MIR2052HG: variants seen among roughly 807,000 people sequenced by gnomAD.
The protein encoded by MIR2052HG is MIR2052 host gene.
intron 4 of MIR2052HG, among the ~76,000 whole-genome samples, chr8:74,723,191 C>G (rs761595525): frequency 4.6e-5 from 7 of 152,226 alleles, no homozygotes; most frequent in Non-Finnish European, 1.0e-4. Context: ...ATCTCACATT[C>G]TTTCATCCCG....
intron 2 of MIR2052HG, among the ~76,000 whole-genome samples, chr8:74,620,354 C>T (rs1337630591): frequency 1.3e-5 from 2 of 152,212 alleles, no homozygotes; most frequent in Admixed American, 6.5e-5. Flanking sequence ...CTCCTCTAGG[C>T]AGTGCCCGCA....
At chr8:74,603,310 G>T (rs906225866) in intron 1 of MIR2052HG, 1 of 1,598,778 alleles carries the variant, frequency 6.3e-7, no homozygotes, top group African/African-American at 1.3e-5. Context: ...CATGCCACCC[G>T]TCTCCGAGGA....
chr8:74,670,867 C>CT (rs572315468), intron 2 of MIR2052HG, among the ~76,000 whole-genome samples: 6 of 151,528 alleles, frequency 4.0e-5, no homozygotes, highest in East Asian at 1.9e-4. Context: ...ATTTCTTTCT[C>CT]TTTTTTTTTC....
intron 2 of MIR2052HG, among the ~76,000 whole-genome samples, chr8:74,619,636 A>C (rs1219135197): frequency 6.6e-6 from 1 of 152,166 alleles, no homozygotes; most frequent in Non-Finnish European, 1.5e-5. Context: ...GACACTTATA[A>C]AACCATAAGA....
chr8:74,718,489 G>C (rs1315624408), intron 4 of MIR2052HG, among the ~76,000 whole-genome samples: 42 of 151,882 alleles, frequency 2.8e-4, no homozygotes, highest in Admixed American at 2.7e-3. Context: ...GTGAGTAGGA[G>C]GAAAGAAAAG....
chr8:74,656,175 C>T (rs974072860), intron 2 of MIR2052HG, among the ~76,000 whole-genome samples: 9 of 152,196 alleles, frequency 5.9e-5, no homozygotes, highest in South Asian at 2.1e-4. Context: ...TAGGCAGAAG[C>T]GACCTGCCTT....
At chr8:74,620,366 G>A (rs1037668283) in intron 2 of MIR2052HG, among the ~76,000 whole-genome samples, 13 of 152,202 alleles carry the variant, frequency 8.5e-5, no homozygotes, top group African/African-American at 2.9e-4. Flanking sequence ...GTGCCCGCAT[G>A]GGGACTCTGT....
At chr8:74,704,901 G>A (rs967071010) in intron 4 of MIR2052HG, among the ~76,000 whole-genome samples, 1 of 152,094 alleles carries the variant, frequency 6.6e-6, no homozygotes, top group Admixed American at 6.6e-5. Context: ...GATAAGCATG[G>A]CAGGATAATT....
Position 74,650,232 on chromosome 8 carries a change from C to T in MIR2052HG, n.216+37292C>T, listed in dbSNP as rs564648097. On this transcript the variant is annotated intron_variant and non_coding_transcript_variant, in intron 2 of 6. Coordinates refer to ENST00000523442, the Ensembl canonical transcript of MIR2052HG. ...TTTCATCACCCCTTTCAGTCTGTCT[C>T]CTCCTCAATGTTGTTTGCCTTTTCT... is the stretch of plus-strand genomic sequence containing the variant. Among the ~76,000 whole-genome samples, 7 of 152,210 alleles carry T rather than the reference C, an allele frequency of 4.6e-5. No homozygotes were observed. In the East Asian group the frequency reaches 1.4e-3, roughly 29 times the overall value.
chr8:74,716,855 T>C (rs1372472047), intron 4 of MIR2052HG, among the ~76,000 whole-genome samples: 1 of 152,206 alleles, frequency 6.6e-6, no homozygotes, highest in Non-Finnish European at 1.5e-5. Flanking sequence ...TTTATTAGGT[T>C]GGTGCAAATG....
chr8:74,604,288 T>G (rs1441003559), intron 1 of MIR2052HG: 2 of 754,588 alleles, frequency 2.7e-6, no homozygotes, highest in Non-Finnish European at 4.8e-6. Flanking sequence ...TGGTCAAGTC[T>G]TTGGTCACTG....
At chr8:74,734,323 A>G (rs1809725193) in intron 4 of MIR2052HG, among the ~76,000 whole-genome samples, 1 of 152,206 alleles carries the variant, frequency 6.6e-6, no homozygotes, top group South Asian at 2.1e-4. Context: ...AAACTGATCT[A>G]ACATATGCAC....
At chr8:74,668,640 C>G (rs1474227865) in intron 2 of MIR2052HG, among the ~76,000 whole-genome samples, 1 of 152,196 alleles carries the variant, frequency 6.6e-6, no homozygotes, top group Non-Finnish European at 1.5e-5. Flanking sequence ...ATGTGCCACT[C>G]AGATCCTTCT....
chr8:74,663,953 T>C (rs535250817), intron 2 of MIR2052HG, among the ~76,000 whole-genome samples: 4 of 152,098 alleles, frequency 2.6e-5, no homozygotes, highest in African/African-American at 9.7e-5. Context: ...GCTAACTTTA[T>C]TGGTGATGAG....
chr8:74,696,970 T>A (rs1809303590), intron 2 of MIR2052HG, among the ~76,000 whole-genome samples: 1 of 152,092 alleles, frequency 6.6e-6, no homozygotes, highest in Admixed American at 6.6e-5. Flanking sequence ...AATCATTCTA[T>A]AATAATGATA....
At chr8:74,728,375 G>C (rs1021465708) in intron 4 of MIR2052HG, among the ~76,000 whole-genome samples, 1 of 152,166 alleles carries the variant, frequency 6.6e-6, no homozygotes, top group Admixed American at 6.5e-5. Flanking sequence ...TTGTGGGTTT[G>C]TTTGCTTCTT....
At chr8:74,705,299 A>G (rs569496673) in intron 4 of MIR2052HG, among the ~76,000 whole-genome samples, 1 of 152,068 alleles carries the variant, frequency 6.6e-6, no homozygotes, top group South Asian at 2.1e-4. Flanking sequence ...TTTTTTTTCT[A>G]GTAAAATTAA....
At chr8:74,636,135 G>T (rs75278419) in intron 2 of MIR2052HG, among the ~76,000 whole-genome samples, 6,532 of 152,064 alleles carry the variant, frequency 0.043, 225 homozygotes, top group Non-Finnish European at 0.053. Context: ...AGTAAGCCAC[G>T]CTTGGCCTCA....
chr8:74,747,578 C>T (rs1809900377), intron 4 of MIR2052HG, among the ~76,000 whole-genome samples: 1 of 152,034 alleles, frequency 6.6e-6, no homozygotes. Flanking sequence ...CTCTGAGTAA[C>T]ATATTTTGGC....
Sources: allele counts gnomAD v4.1 joint callset (sites outside exome capture counted in the v4.1 genomes callset), GRCh38; gene constraint gnomAD v4.1.1; transcripts MANE v1.5; gene names NCBI Gene and HGNC (gene_info 2026-07-23, HGNC 2026-07-21).